SNTG2: variants seen among roughly 807,000 people sequenced by gnomAD.
SNTG2 encodes gamma-2-syntrophin.
In SNTG2, 74 loss-of-function variants were observed where a neutral mutation model predicts 70.9. That is an observed-to-expected ratio of 1.04 (90% CI 0.86 to 1.27). The LOEUF (loss-of-function observed/expected upper bound fraction) is 1.27. SNTG2 is among the 50% of genes most tolerant of loss of function. SNTG2 has a pLI of 0.00. For missense variants in SNTG2, 717 were observed against 690.7 expected (o/e 1.04, Z -0.43); for synonymous variants, 278 against 273.8 (o/e 1.02, Z -0.15).
intron 16 of SNTG2, among the ~76,000 whole-genome samples, chr2:1,352,342 CTCCTT>C (rs1660624098): frequency 2.0e-5 from 3 of 152,188 alleles, no homozygotes; most frequent in Non-Finnish European, 4.4e-5. Flanking sequence ...GCCTCCTGAG[CTCCTT>C]TGGACTAGGA....
intron 4 of SNTG2, among the ~76,000 whole-genome samples, chr2:1,122,989 T>G (rs903969694): frequency 8.6e-5 from 13 of 152,044 alleles, no homozygotes; most frequent in Non-Finnish European, 1.9e-4. Flanking sequence ...TAGCAATAAG[T>G]ATAACCAAGG....
chr2:1,164,057 A>G (rs1356805230), intron 6 of SNTG2, among the ~76,000 whole-genome samples: 1 of 152,196 alleles, frequency 6.6e-6, no homozygotes, highest in Non-Finnish European at 1.5e-5. Context: ...AGAAATGAGG[A>G]GGAAAGATCA....
chr2:1,281,409 T>TGG lies in SNTG2; in HGVS notation c.1284+13838_1284+13839insGG, dbSNP rs1553272291. On this transcript the variant is annotated intron_variant, in intron 14 of 16. Transcript: ENST00000308624. ...GTGTGGTGTGTGTTTATGTGGTGTG[T>TGG]TGTGTGTGTGTGTGTGGTGTGGTGT... Among the ~76,000 whole-genome samples, 17 of 2,418 alleles carry TGG rather than the reference T, an allele frequency of 7.0e-3. 3 individuals carry two copies. The highest frequency in any genetic ancestry group is 0.03 in the Admixed American group (8 of 270). The allele number at this position is 2,418 out of a possible 152,430, so 1.6% of individuals were successfully genotyped here.
intron 1 of SNTG2, among the ~76,000 whole-genome samples, chr2:967,991 A>G (rs899155886): frequency 2.5e-4 from 38 of 152,216 alleles, no homozygotes; most frequent in African/African-American, 9.2e-4. Flanking sequence ...TGCCACTGCA[A>G]TCCAGCTTGG....
intron 1 of SNTG2, among the ~76,000 whole-genome samples, chr2:994,132 A>G (rs1661595692): frequency 6.6e-6 from 1 of 151,944 alleles, no homozygotes; most frequent in Non-Finnish European, 1.5e-5. Flanking sequence ...CTTTCTTACT[A>G]TTAGGTAAAG....
chr2:1,069,636 C>CA (rs1663393430), intron 1 of SNTG2, among the ~76,000 whole-genome samples: 1 of 151,816 alleles, frequency 6.6e-6, no homozygotes, highest in African/African-American at 2.4e-5. Context: ...ACTAAAAATA[C>CA]AAAAATTTGC....
At chr2:1,277,596 T>C (rs1363217644) in intron 14 of SNTG2, among the ~76,000 whole-genome samples, 1 of 152,244 alleles carries the variant, frequency 6.6e-6, no homozygotes, top group Non-Finnish European at 1.5e-5. Context: ...TATTGTGACA[T>C]TTGCTTTATT....
intron 1 of SNTG2, among the ~76,000 whole-genome samples, chr2:1,066,715 C>T (rs1445961849): frequency 2.6e-5 from 4 of 151,780 alleles, no homozygotes; most frequent in African/African-American, 9.7e-5. Flanking sequence ...TTCAAAACGA[C>T]GATTTTTTTT....
intron 8 of SNTG2, among the ~76,000 whole-genome samples, chr2:1,177,197 G>A (rs1041993407): frequency 4.6e-5 from 7 of 152,130 alleles, no homozygotes; most frequent in Non-Finnish European, 7.3e-5. Flanking sequence ...GATGAAGCTG[G>A]AAGCCATTAT....
chr2:1,275,626 C>A (rs2148197339), intron 14 of SNTG2, among the ~76,000 whole-genome samples: 1 of 152,180 alleles, frequency 6.6e-6, no homozygotes, highest in Middle Eastern at 3.4e-3. Flanking sequence ...CCTGGGCCTC[C>A]TCATTCCACG....
intron 14 of SNTG2, among the ~76,000 whole-genome samples, chr2:1,273,347 C>T (rs1318522587): frequency 6.6e-6 from 1 of 152,140 alleles, no homozygotes; most frequent in Non-Finnish European, 1.5e-5. Flanking sequence ...TAAAGACTCC[C>T]CAAAGACTAT....
At chr2:1,332,692 TAAAAAC>T (rs1659597614) in intron 16 of SNTG2, among the ~76,000 whole-genome samples, 1 of 152,042 alleles carries the variant, frequency 6.6e-6, no homozygotes. Flanking sequence ...CACATAAAAT[TAAAAAC>T]AAAAACCATA....
intron 1 of SNTG2, among the ~76,000 whole-genome samples, chr2:1,009,133 C>T (rs867878781): frequency 9.0e-5 from 12 of 133,752 alleles, no homozygotes; most frequent in East Asian, 2.1e-4. Flanking sequence ...GGTCCTGGAT[C>T]GTGTGTATGG....
chr2:1,255,820 GTATATATATA>G (rs34364320), intron 12 of SNTG2, among the ~76,000 whole-genome samples: 1 of 59,620 alleles, frequency 1.7e-5, no homozygotes, highest in African/African-American at 6.0e-5. Context: ...AAAGTTGTAT[GTATATATATA>G]TAAATATATA....
chr2:1,032,778 T>C (rs1660912058), intron 1 of SNTG2, among the ~76,000 whole-genome samples: 1 of 150,280 alleles, frequency 6.7e-6, no homozygotes, highest in Non-Finnish European at 1.5e-5. Flanking sequence ...ATGTACCTCA[T>C]TGGTAGATAC....
intron 1 of SNTG2, among the ~76,000 whole-genome samples, chr2:1,034,242 A>G (rs1464180796): frequency 6.6e-6 from 1 of 152,154 alleles, no homozygotes; most frequent in Non-Finnish European, 1.5e-5. Context: ...GCTTGGAATA[A>G]TGGCCTCCAG....
intron 1 of SNTG2, among the ~76,000 whole-genome samples, chr2:1,021,936 CTTTTTTTTTTTTTTT>C (rs71392556): frequency 8.3e-6 from 1 of 121,142 alleles, no homozygotes. Context: ...GTTTTATGTG[CTTTTTTTTTTTTTTT>C]TTTTAGTGAA....
chr2:1,271,091 C>G (rs1265187770), intron 14 of SNTG2, among the ~76,000 whole-genome samples: 2 of 152,158 alleles, frequency 1.3e-5, no homozygotes, highest in African/African-American at 4.8e-5. Context: ...AAGTCCTTGA[C>G]TGCCTTATCA....
At chr2:972,667 A>G (rs976061464) in intron 1 of SNTG2, among the ~76,000 whole-genome samples, 1 of 152,102 alleles carries the variant, frequency 6.6e-6, no homozygotes, top group East Asian at 1.9e-4. Context: ...ATGGTTTGGC[A>G]CCATCCCCTT....
Sources: allele counts gnomAD v4.1 joint callset (sites outside exome capture counted in the v4.1 genomes callset), GRCh38; gene constraint gnomAD v4.1.1; transcripts MANE v1.5; gene names NCBI Gene and HGNC (gene_info 2026-07-23, HGNC 2026-07-21).